Variants in C4BPA observed in about 807,000 individuals in gnomAD.
C4BPA encodes complement component 4 binding protein alpha.
A neutral mutation model predicts 63.7 loss-of-function variants in C4BPA; 31 were observed. The ratio of observed to expected loss-of-function variants is 0.49; its 90% CI spans 0.37 to 0.66. The LOEUF is 0.66. Ranked by LOEUF, C4BPA falls within the 30% of genes least tolerant of loss-of-function variation. C4BPA has a pLI of 0.00. For synonymous variants in C4BPA, 259 were observed against 254.7 expected, an observed-to-expected ratio of 1.02 and a Z score of -0.16; for missense variants, 572 against 723.3, an observed-to-expected ratio of 0.79 and a Z score of 2.40.
intron 7 of C4BPA, among the ~76,000 whole-genome samples, chr1:207,128,944 T>C (rs1327110475): frequency 6.6e-6 from 1 of 152,030 alleles, no homozygotes; most frequent in East Asian, 1.9e-4. Flanking sequence ...GAAACTGTTT[T>C]TGAGGGAGCC....
At chr1:207,135,452 C>CA (rs1389235911) in intron 9 of C4BPA, among the ~76,000 whole-genome samples, 1 of 152,158 alleles carries the variant, frequency 6.6e-6, no homozygotes, top group Admixed American at 6.5e-5. Flanking sequence ...CCAAAGTGAT[C>CA]AGGCATTAGT....
At chr1:207,126,509 CAT>C (rs145540771) in intron 6 of C4BPA, among the ~76,000 whole-genome samples, 10 of 148,174 alleles carry the variant, frequency 6.7e-5, no homozygotes, top group Admixed American at 1.3e-4. Context: ...GAAAGGATTA[CAT>C]ATATATATAT....
intron 1 of C4BPA, among the ~76,000 whole-genome samples, chr1:207,109,272 A>G (rs1384461973): frequency 6.6e-6 from 1 of 152,148 alleles, no homozygotes; most frequent in African/African-American, 2.4e-5. Context: ...TGATGCAACC[A>G]TTTATTGCAA....
intron 4 of C4BPA, among the ~76,000 whole-genome samples, chr1:207,117,389 T>C (rs576695708): frequency 3.5e-4 from 54 of 152,298 alleles, no homozygotes; most frequent in African/African-American, 1.2e-3. Flanking sequence ...AGGTCGAGGC[T>C]GCAGTGAGCC....
At chr1:207,116,976 T>G (rs1319550263) in intron 4 of C4BPA, among the ~76,000 whole-genome samples, 1 of 152,198 alleles carries the variant, frequency 6.6e-6, no homozygotes, top group Non-Finnish European at 1.5e-5. Context: ...TCCTGTACAT[T>G]TATGTATGCG....
At chr1:207,111,781 G>A (rs1442399226) in intron 1 of C4BPA, among the ~76,000 whole-genome samples, 1 of 152,160 alleles carries the variant, frequency 6.6e-6, no homozygotes, top group African/African-American at 2.4e-5. Flanking sequence ...AATGTATATG[G>A]GCTTTGTATG....
chr1:207,107,186 AG>A (rs1684578367), intron 1 of C4BPA, among the ~76,000 whole-genome samples: 1 of 152,218 alleles, frequency 6.6e-6, no homozygotes, highest in Non-Finnish European at 1.5e-5. Context: ...TAGTGAGTAA[AG>A]GAGAAGTTGG....
In C4BPA at chr1:207,124,194, T is replaced by C; in HGVS notation, c.534T>C (p.Pro178=). 6.2e-7 allele frequency: 1 copy of C among 1,613,844 alleles called. No individual in the cohort carries two copies. The highest frequency in any genetic ancestry group is 1.1e-5 in the South Asian group (1 of 91,072). The stretch of plus-strand genomic sequence containing the variant: ...CCTCAGTTGTCAAGTGTAAGCCTCC[T>C]CCAGACATCAGGAATGGAAGGCACA... ...PQCEIVKCKP[P]PDIRNGRHSG... The change falls in exon 6 of 12, where the codon CCT becomes CCC. Residue 178 remains proline (P), a synonymous_variant. Coordinates refer to ENST00000367070, the MANE Select transcript of C4BPA (RefSeq NM_000715.4).
At chr1:207,140,404 T>C (rs1163238709) in intron 9 of C4BPA, among the ~76,000 whole-genome samples, 1 of 152,176 alleles carries the variant, frequency 6.6e-6, no homozygotes, top group Non-Finnish European at 1.5e-5. Flanking sequence ...TTGTGGGCCA[T>C]CAGCTTTTCC....
At position 207,131,752 on chromosome 1, in the gene C4BPA, T is replaced by C. The variant is rs1228416124; in HGVS notation, c.1084+12T>C. On this transcript the variant is annotated intron_variant, in intron 8 of 11. Transcript: ENST00000367070. ...CCAAGGATGTGAGGGTGAGTTTTTG[T>C]TTTTTAATATTTTTGTATATTAAAT... The C allele has an allele frequency of 1.9e-6, 3 of 1,575,148 alleles. No homozygotes were observed.
chr1:207,126,243 C>G (rs1685041122), intron 6 of C4BPA, among the ~76,000 whole-genome samples: 1 of 147,812 alleles, frequency 6.8e-6, no homozygotes, highest in African/African-American at 2.5e-5. Context: ...TATACACACA[C>G]ATACATATGT....
In C4BPA at chr1:207,114,135, G is replaced by A. The variant is rs1369690053; in HGVS notation, c.178G>A (p.Ala60Thr). The A allele has an allele frequency of 3.7e-6, 6 of 1,613,120 alleles. No individual in the cohort carries two copies. In the African/African-American group the frequency reaches 6.7e-5, roughly 18 times the overall value. ...CGPPPTLSFAAPMDITLTETR... is the reference protein window; with the variant it reads ...CGPPPTLSFATPMDITLTETR... ...TCCTCCACCCACTTTATCATTTGCT[G>A]CCCCGATGGATATTACGTTGACTGA... Residue 60 changes from alanine (A) to threonine (T), a missense_variant, in exon 3 of 12, where the codon GCC becomes ACC. This residue lies in a region of C4BPA where 107 missense variants were observed against 93.9 expected (regional missense o/e 1.14). Coordinates refer to ENST00000367070, the MANE Select transcript of C4BPA (RefSeq NM_000715.4).
chr1:207,122,719 G>C (rs7538648), intron 4 of C4BPA, among the ~76,000 whole-genome samples: 88,085 of 151,384 alleles, frequency 0.58, 26,904 homozygotes, highest in East Asian at 0.73. Context: ...GACTACAGGA[G>C]AGCAGCACCA....
In C4BPA at chr1:207,143,961, A is replaced by G. The variant is rs1558099789; in HGVS notation, c.1588A>G (p.Thr530Ala). The change falls in exon 11 of 12, where the codon ACC (threonine) becomes GCC (alanine). Residue 530 changes from threonine (T) to alanine (A), a missense_variant. Physicochemically the swap from Thr to Ala is moderately conservative, Grantham distance 58. This residue lies in a region of C4BPA where 465 missense variants were observed against 629.4 expected (regional missense o/e 0.74). Coordinates refer to ENST00000367070, the MANE Select transcript of C4BPA (RefSeq NM_000715.4). ...AAGTATCACTTGCTCTGGGAACAGA[A>G]CCTGGTACCCAGAGGTGCCCAAGTG... ...PQSITCSGNRTWYPEVPKCEW... is the reference protein window; with the variant it reads ...PQSITCSGNRAWYPEVPKCEW... 1.2e-6 allele frequency: 2 copies of G among 1,602,278 alleles called. No homozygotes were observed. The highest frequency in any genetic ancestry group is 2.3e-5 in the South Asian group (2 of 88,616).
intron 9 of C4BPA, among the ~76,000 whole-genome samples, chr1:207,134,900 CAGA>C (rs1163982908): frequency 3.3e-5 from 5 of 152,206 alleles, no homozygotes; most frequent in South Asian, 2.1e-4. Context: ...TCTCAATCTG[CAGA>C]AGAAGAACTG....
chr1:207,123,147 G>T (rs2102339583), intron 4 of C4BPA, among the ~76,000 whole-genome samples: 1 of 152,254 alleles, frequency 6.6e-6, no homozygotes, highest in East Asian at 1.9e-4. Flanking sequence ...ACAATATTTT[G>T]CACTTAGTCT....
chr1:207,118,783 C>G (rs1471292829), intron 4 of C4BPA, among the ~76,000 whole-genome samples: 1 of 152,152 alleles, frequency 6.6e-6, no homozygotes, highest in African/African-American at 2.4e-5. Context: ...TCTTTTACCT[C>G]CTACTTCCCA....
intron 1 of C4BPA, among the ~76,000 whole-genome samples, chr1:207,109,946 T>C (rs1191860403): frequency 6.6e-6 from 1 of 152,254 alleles, no homozygotes; most frequent in Non-Finnish European, 1.5e-5. Context: ...GACACTGATA[T>C]GGCACAGTAC....
At chr1:207,120,153 G>T (rs1020193504) in intron 4 of C4BPA, among the ~76,000 whole-genome samples, 2 of 152,066 alleles carry the variant, frequency 1.3e-5, no homozygotes, top group African/African-American at 4.8e-5. Context: ...AACCATCAAA[G>T]TGGACTCCTT....
Sources: allele counts gnomAD v4.1 joint callset (sites outside exome capture counted in the v4.1 genomes callset), GRCh38; gene constraint gnomAD v4.1.1; regional missense constraint gnomAD v4.1.1; transcripts MANE v1.5; gene names NCBI Gene and HGNC (gene_info 2026-07-23, HGNC 2026-07-21).